The following HS2ST1 variants were observed in gnomAD, a reference collection of about 807,000 sequenced individuals.
HS2ST1 encodes heparan sulfate 2-O-sulfotransferase 1.
A neutral mutation model predicts 42.9 loss-of-function variants in HS2ST1; 18 were observed. The observed-to-expected ratio is 0.42, with a 90% CI of 0.29 to 0.62. The LOEUF (loss-of-function observed/expected upper bound fraction) is 0.62, where lower values mean the gene tolerates loss of function less well. Among genes scored for constraint, HS2ST1 ranks in the 20% least tolerant of loss-of-function variants. The pLI is 0.21. For synonymous variants in HS2ST1, 146 were observed against 152.9 expected, an observed-to-expected ratio of 0.95 and a Z score of 0.33; for missense variants, 334 against 433.8, an observed-to-expected ratio of 0.77 and a Z score of 2.04.
At chr1:87,065,749 T>A (rs922703826) in intron 1 of HS2ST1, among the ~76,000 whole-genome samples, 56 of 152,248 alleles carry the variant, frequency 3.7e-4, no homozygotes, top group African/African-American at 1.2e-3. Flanking sequence ...CAGTCTCTTA[T>A]AAATCACCTT....
intron 1 of HS2ST1, among the ~76,000 whole-genome samples, chr1:87,016,484 T>C (rs916099230): frequency 6.6e-6 from 1 of 152,192 alleles, no homozygotes; most frequent in Non-Finnish European, 1.5e-5. Context: ...TCTCTCTCTC[T>C]CCTGGCTTCC....
At chr1:86,973,238 TCTAA>T (rs1255849298) in intron 1 of HS2ST1, among the ~76,000 whole-genome samples, 4 of 152,028 alleles carry the variant, frequency 2.6e-5, no homozygotes, top group East Asian at 1.9e-4. Flanking sequence ...TTTTTTTAAA[TCTAA>T]CTAATTACCA....
intron 1 of HS2ST1, among the ~76,000 whole-genome samples, chr1:87,047,331 T>C (rs1373438361): frequency 1.3e-5 from 2 of 151,694 alleles, no homozygotes; most frequent in Admixed American, 1.3e-4. Flanking sequence ...TTTTTGTTGA[T>C]ATGATACAAA....
intron 1 of HS2ST1, among the ~76,000 whole-genome samples, chr1:86,996,846 A>G (rs1422159771): frequency 6.6e-6 from 1 of 152,216 alleles, no homozygotes; most frequent in African/African-American, 2.4e-5. Context: ...TTGAAAAGGA[A>G]CCAGACAAAA....
rs1351421112 is a variant in HS2ST1, at chr1:87,045,576, C to G, written c.125-27358C>G. On this transcript the variant is annotated intron_variant, in intron 1 of 6. Coordinates refer to ENST00000370550, the MANE Select transcript of HS2ST1 (RefSeq NM_012262.4). ...TGCACAAGGCACAAGAAACTTCTTT[C>G]TTGGATTTGCTTGTTTATTCAAAAC... The G allele has an allele frequency of 6.3e-6, 5 of 788,252 alleles. No homozygotes were observed. The African/African-American group carries it at 8.4e-5, about 13-fold the overall frequency. 48.8% of individuals were successfully genotyped at this position (788,252 alleles called of 1,614,324 possible). A position where few individuals can be genotyped will look rare whatever the true frequency, so the allele number is the denominator to read the frequency against.
intron 3 of HS2ST1, among the ~76,000 whole-genome samples, chr1:87,084,905 A>G (rs1279307686): frequency 1.3e-5 from 2 of 151,352 alleles, no homozygotes; most frequent in Admixed American, 6.6e-5. Context: ...TCAGCCTCCC[A>G]AAGTGCTGGG....
At chr1:87,018,137 CACACACACACACACACACACACACACAG>C (rs1411150372) in intron 1 of HS2ST1, among the ~76,000 whole-genome samples, 1 of 6,218 alleles carries the variant, frequency 1.6e-4, no homozygotes, top group African/African-American at 2.1e-4. Context: ...AAAAGCCACA[CACACACACACACACACACACACACACAG>C]ACACACACAC....
At chr1:87,055,432 C>T (rs1268160540) in intron 1 of HS2ST1, among the ~76,000 whole-genome samples, 1 of 152,170 alleles carries the variant, frequency 6.6e-6, no homozygotes, top group Non-Finnish European at 1.5e-5. Context: ...TATCTCCTTC[C>T]AGTCCCCATG....
intron 1 of HS2ST1, among the ~76,000 whole-genome samples, chr1:87,027,409 G>T (rs1393845934): frequency 6.6e-6 from 1 of 152,318 alleles, no homozygotes; most frequent in Admixed American, 6.5e-5. Flanking sequence ...AAGGAGGAAT[G>T]CATGATTTTA....
At chr1:87,027,981 C>T (rs575913989) in intron 1 of HS2ST1, among the ~76,000 whole-genome samples, 8 of 152,352 alleles carry the variant, frequency 5.3e-5, no homozygotes, top group South Asian at 2.1e-4. Flanking sequence ...TGAGCCACCA[C>T]GCCCGGCTGG....
chr1:86,943,873 A>G (rs966470135), intron 1 of HS2ST1, among the ~76,000 whole-genome samples: 3 of 152,060 alleles, frequency 2.0e-5, no homozygotes, highest in African/African-American at 7.2e-5. Context: ...TAAAAATGCA[A>G]AAATTAGCTG....
intron 1 of HS2ST1, among the ~76,000 whole-genome samples, chr1:86,939,153 C>T (rs1368331396): frequency 1.3e-5 from 2 of 152,104 alleles, no homozygotes; most frequent in Non-Finnish European, 2.9e-5. Flanking sequence ...GAACCATTTT[C>T]ATCATTATTG....
chr1:86,985,511 T>TATATACAC (rs1648752903), intron 1 of HS2ST1, among the ~76,000 whole-genome samples: 1 of 36,168 alleles, frequency 2.8e-5, no homozygotes, highest in African/African-American at 7.5e-5. Flanking sequence ...TATATACACA[T>TATATACAC]ATATATACAC....
chr1:86,945,065 A>G (rs4655919), intron 1 of HS2ST1, among the ~76,000 whole-genome samples: 17,143 of 152,118 alleles, frequency 0.11, 1,041 homozygotes, highest in African/African-American at 0.14. Flanking sequence ...TTTCCCTTTG[A>G]TCACCACCAG....
intron 1 of HS2ST1, among the ~76,000 whole-genome samples, chr1:87,066,017 G>A (rs1478764450): frequency 6.6e-6 from 1 of 151,992 alleles, no homozygotes; most frequent in Non-Finnish European, 1.5e-5. Context: ...TAGAACTATT[G>A]CACGTTTTCA....
At chr1:86,993,555 CCTT>C (rs1649018521) in intron 1 of HS2ST1, among the ~76,000 whole-genome samples, 1 of 152,048 alleles carries the variant, frequency 6.6e-6, no homozygotes, top group Non-Finnish European at 1.5e-5. Flanking sequence ...TAGATAGTGT[CCTT>C]GTATCATTAC....
intron 4 of HS2ST1, among the ~76,000 whole-genome samples, chr1:87,093,684 C>T (rs867291232): frequency 2.6e-5 from 4 of 152,020 alleles, no homozygotes; most frequent in Non-Finnish European, 4.4e-5. Flanking sequence ...CTAGGTTACC[C>T]GTAAGTGCTT....
chr1:87,002,424 C>T (rs1161312442), intron 1 of HS2ST1, among the ~76,000 whole-genome samples: 1 of 151,906 alleles, frequency 6.6e-6, no homozygotes, highest in Non-Finnish European at 1.5e-5. Flanking sequence ...GACACCCTGT[C>T]TTTACAAAAA....
Position 86,997,970 on chromosome 1 carries a change from G to T in HS2ST1, c.125-74964G>T, listed in dbSNP as rs1025566257. Reference sequence around the variant, plus strand: ...AACCATGGGTCGTGAAACTGCAGATGAAGGAGGCCTACTGTATTACACCTT... The same window carrying T: ...AACCATGGGTCGTGAAACTGCAGATTAAGGAGGCCTACTGTATTACACCTT... On this transcript the variant is annotated intron_variant, in intron 1 of 6. Transcript: ENST00000370550. Among the ~76,000 whole-genome samples, 4 of 152,320 alleles carry T rather than the reference G, an allele frequency of 2.6e-5. No individual in the cohort carries two copies. In the South Asian group the frequency reaches 6.2e-4, roughly 24 times the overall value.
Sources: gnomAD v4.1 joint callset for allele counts (sites outside exome capture counted in the v4.1 genomes callset) on GRCh38, gnomAD v4.1.1 for gene constraint, MANE v1.5 for transcripts, NCBI Gene and HGNC (gene_info 2026-07-23, HGNC 2026-07-21) for gene names.